THRB: variants seen among roughly 807,000 people sequenced by gnomAD.
THRB encodes the protein thyroid hormone receptor beta, also known as nuclear receptor subfamily 1 group A member 2.
A neutral mutation model predicts 47.8 loss-of-function variants in THRB; 12 were observed. The observed-to-expected ratio is 0.25, with a 90% CI of 0.16 to 0.41. The LOEUF (loss-of-function observed/expected upper bound fraction) is 0.41. Among genes scored for constraint, THRB ranks in the 10% least tolerant of loss-of-function variants. THRB has a pLI of 1.00. For synonymous variants in THRB, 218 were observed against 212.2 expected, an observed-to-expected ratio of 1.03 and a Z score of -0.24; for missense variants, 348 against 589.2, an observed-to-expected ratio of 0.59 and a Z score of 4.24.
chr3:24,336,734 T>G (rs1463615860), intron 2 of THRB, among the ~76,000 whole-genome samples: 1 of 151,314 alleles, frequency 6.6e-6, no homozygotes, highest in East Asian at 1.9e-4. Flanking sequence ...TTTTTTTTTT[T>G]TTTTTGAGAT....
chr3:24,279,700 C>T (rs553421717), intron 3 of THRB, among the ~76,000 whole-genome samples: 2 of 152,090 alleles, frequency 1.3e-5, no homozygotes, highest in South Asian at 4.2e-4. Flanking sequence ...CGGCCAAATG[C>T]AATGAGTTCT....
chr3:24,127,407 C>T, intron 10 of THRB, 92 bp downstream of exon 10: 2 of 1,379,378 alleles, frequency 1.4e-6, no homozygotes, highest in South Asian at 2.4e-5. Context: ...GTTTCTGAAG[C>T]TAAAGGGGGA....
intron 3 of THRB, among the ~76,000 whole-genome samples, chr3:24,236,547 A>G (rs972561414): frequency 2.6e-5 from 4 of 152,090 alleles, no homozygotes; most frequent in Admixed American, 1.3e-4. Flanking sequence ...GCCTGGTCTA[A>G]CTTTAAGCTT....
At chr3:24,248,073 A>T (rs781562195) in intron 3 of THRB, among the ~76,000 whole-genome samples, 19 of 152,110 alleles carry the variant, frequency 1.2e-4, no homozygotes, top group Non-Finnish European at 2.8e-4. Flanking sequence ...GACATTTCTG[A>T]GTTCAGTAAA....
At chr3:24,184,786 G>A (rs917138337) in intron 5 of THRB, among the ~76,000 whole-genome samples, 1 of 152,222 alleles carries the variant, frequency 6.6e-6, no homozygotes, top group Non-Finnish European at 1.5e-5. Context: ...GAGTGGGGCA[G>A]AGTAGAGAGC....
At chr3:24,440,992 G>A (rs1302008687) in intron 1 of THRB, among the ~76,000 whole-genome samples, 1 of 152,188 alleles carries the variant, frequency 6.6e-6, no homozygotes, top group Non-Finnish European at 1.5e-5. Flanking sequence ...TGAAATCAAG[G>A]TGTTAGCTGA....
intron 1 of THRB, among the ~76,000 whole-genome samples, chr3:24,465,802 A>G (rs1477176909): frequency 6.6e-6 from 1 of 152,106 alleles, no homozygotes; most frequent in African/African-American, 2.4e-5. Context: ...TCCCACATTT[A>G]TATCTAGTCT....
intron 1 of THRB, among the ~76,000 whole-genome samples, chr3:24,489,918 T>C (rs1697885786): frequency 6.6e-6 from 1 of 152,218 alleles, no homozygotes; most frequent in Non-Finnish European, 1.5e-5. Context: ...GGTCTAAATA[T>C]ATTCAACTCC....
chr3:24,218,005 G>A (rs1559634450), intron 4 of THRB, among the ~76,000 whole-genome samples: 1 of 152,118 alleles, frequency 6.6e-6, no homozygotes, highest in Non-Finnish European at 1.5e-5. Flanking sequence ...TGTGGCTCAC[G>A]CCTGTAGTCC....
chr3:24,163,160 G>T (rs1452385974), intron 5 of THRB, among the ~76,000 whole-genome samples: 2 of 152,136 alleles, frequency 1.3e-5, no homozygotes, highest in African/African-American at 4.8e-5. Context: ...ACAACCTTTT[G>T]TCCTAAGAGA....
intron 4 of THRB, among the ~76,000 whole-genome samples, chr3:24,217,680 A>G (rs2046715745): frequency 1.3e-5 from 2 of 152,040 alleles, no homozygotes; most frequent in African/African-American, 4.8e-5. Context: ...TTCCCCTCCC[A>G]TTTTCTGCTA....
At chr3:24,230,104 A>G (rs1180569622) in intron 3 of THRB, among the ~76,000 whole-genome samples, 1 of 152,234 alleles carries the variant, frequency 6.6e-6, no homozygotes, top group African/African-American at 2.4e-5. Flanking sequence ...TGGTTGGAGA[A>G]GAAAAAGAAC....
chr3:24,354,418 A>T (rs1032842785), intron 1 of THRB, among the ~76,000 whole-genome samples: 3 of 152,182 alleles, frequency 2.0e-5, no homozygotes, highest in Admixed American at 1.3e-4. Context: ...GCTATCACAA[A>T]TTGGACAGAA....
chr3:24,124,808 T>C (rs957672233), intron 10 of THRB, among the ~76,000 whole-genome samples: 1 of 152,242 alleles, frequency 6.6e-6, no homozygotes, highest in Admixed American at 6.5e-5. Context: ...TCAGGCCCCA[T>C]GATAGAACTG....
intron 1 of THRB, among the ~76,000 whole-genome samples, chr3:24,435,293 A>G (rs775367214): frequency 1.3e-5 from 2 of 152,210 alleles, no homozygotes; most frequent in African/African-American, 2.4e-5. Context: ...AACCCTAGAG[A>G]AAAGAACCAC....
intron 3 of THRB, among the ~76,000 whole-genome samples, chr3:24,244,053 G>C (rs113263944): frequency 6.6e-6 from 1 of 152,146 alleles, no homozygotes. Context: ...GGAAGTGGAC[G>C]AGTGGTCAGC....
Position 24,350,032 on chromosome 3 carries a change from A to G in THRB, c.-260-12661T>C, listed in dbSNP as rs566718964. ...TATTGAACTCCAATAAATCATTAAG[A>G]AAAAGATAACCCAGTATAAAATGGC... On this transcript the variant is annotated intron_variant, in intron 1 of 10. Coordinates refer to ENST00000646209, the MANE Select transcript of THRB (RefSeq NM_001354712.2). 2.0e-5 allele frequency among the ~76,000 whole-genome samples: 3 copies of G among 152,178 alleles called. No individual in the cohort carries two copies. The South Asian group carries it at 6.2e-4, about 32-fold the overall frequency.
intron 1 of THRB, among the ~76,000 whole-genome samples, chr3:24,418,390 C>CT (rs2068940371): frequency 6.6e-6 from 1 of 151,570 alleles, no homozygotes; most frequent in Admixed American, 6.6e-5. Flanking sequence ...ATGTAGACCT[C>CT]CACCCCCACT....
At chr3:24,251,246 A>G (rs928259569) in intron 3 of THRB, among the ~76,000 whole-genome samples, 1 of 152,154 alleles carries the variant, frequency 6.6e-6, no homozygotes, top group Non-Finnish European at 1.5e-5. Flanking sequence ...AGTTTTATAC[A>G]TTTTTATGAC....
Sources: allele counts gnomAD v4.1 joint callset (sites outside exome capture counted in the v4.1 genomes callset), GRCh38; gene constraint gnomAD v4.1.1; transcripts MANE v1.5; gene names NCBI Gene and HGNC (gene_info 2026-07-23, HGNC 2026-07-21).